ZFAT: variants seen among roughly 807,000 people sequenced by gnomAD.
ZFAT encodes zinc finger protein ZFAT.
In ZFAT, 64 loss-of-function variants were observed where a neutral mutation model predicts 117.7. The ratio of observed to expected loss-of-function variants is 0.54; its 90% CI spans 0.44 to 0.67. The LOEUF (loss-of-function observed/expected upper bound fraction) is 0.67, where lower values mean the gene tolerates loss of function less well. ZFAT is among the 30% of genes least tolerant of loss of function. ZFAT has a pLI of 0.00. For missense variants in ZFAT, 1,433 were observed against 1,584.5 expected (o/e 0.90, Z 1.62); for synonymous variants, 679 against 615.0 (o/e 1.10, Z -1.54).
At chr8:134,818,004 G>A in the ZFAT span, among the ~76,000 whole-genome samples, 1 of 152,030 alleles carries the variant, frequency 6.6e-6, no homozygotes, top group Non-Finnish European at 1.5e-5. Context: ...AACTCAAAAT[G>A]GATCACTATA....
chr8:134,635,449 C>A (rs1393426308), intron 3 of ZFAT, among the ~76,000 whole-genome samples: 2 of 152,172 alleles, frequency 1.3e-5, no homozygotes, highest in African/African-American at 4.8e-5. Context: ...GAGAAGACAG[C>A]AGAAAATGAT....
chr8:134,724,283 C>A, the ZFAT span, among the ~76,000 whole-genome samples: 2 of 152,080 alleles, frequency 1.3e-5, no homozygotes, highest in Admixed American at 6.5e-5. Context: ...AGCTCCAAGC[C>A]CAGTCAAGGC....
At chr8:134,700,008 CTT>C (rs1833968240) in intron 1 of ZFAT, among the ~76,000 whole-genome samples, 1 of 152,230 alleles carries the variant, frequency 6.6e-6, no homozygotes, top group Admixed American at 6.5e-5. Context: ...CCCCGACAGA[CTT>C]TGAAAAGCTG....
the ZFAT span, among the ~76,000 whole-genome samples, chr8:134,722,758 G>C: frequency 6.6e-6 from 1 of 152,178 alleles, no homozygotes. Context: ...ACCTTGAGGG[G>C]CTTACAACGT....
At chr8:134,769,579 T>A in the ZFAT span, among the ~76,000 whole-genome samples, 2 of 152,116 alleles carry the variant, frequency 1.3e-5, no homozygotes, top group East Asian at 3.9e-4. Context: ...AGGTGCATGG[T>A]GCAAGCTGTT....
intron 10 of ZFAT, among the ~76,000 whole-genome samples, chr8:134,581,882 G>C (rs375046174): frequency 2.0e-5 from 3 of 152,126 alleles, no homozygotes; most frequent in Admixed American, 6.6e-5. Context: ...GAGCCACTGT[G>C]CCCGACCTGG....
chr8:134,611,400 C>A (rs1437219606), intron 3 of ZFAT, among the ~76,000 whole-genome samples: 1 of 152,216 alleles, frequency 6.6e-6, no homozygotes, highest in Non-Finnish European at 1.5e-5. Flanking sequence ...TAAACCAGTG[C>A]CCAAGTATCC....
intron 5 of ZFAT, among the ~76,000 whole-genome samples, 188 bp downstream of exon 5, chr8:134,608,541 G>C (rs1222449984): frequency 6.6e-6 from 1 of 152,156 alleles, no homozygotes; most frequent in Non-Finnish European, 1.5e-5. Flanking sequence ...ACACACTGGA[G>C]GCTCAGCGAG....
chr8:134,600,435 C>T lies in ZFAT; in HGVS notation c.2475+1G>A. On this transcript the variant is annotated splice_donor_variant, in intron 7 of 15. Transcript: ENST00000377838. LOFTEE classifies it high-confidence loss of function. The stretch of plus-strand genomic sequence containing the variant: ...GGCTGCCGCTTGGGCTTGCTACTTA[C>T]CAGTGCTGTGTGAACTTTAAGATGT... 6.2e-7 allele frequency: 1 copy of T among 1,613,992 alleles called. No individual in the cohort carries two copies. Among genetic ancestry groups the T allele is most frequent in the Non-Finnish European group, 8.5e-7 (1 of 1,179,834 alleles).
Position 134,647,767 on chromosome 8 carries a change from G to A in ZFAT, c.196+9794C>T, listed in dbSNP as rs147215207. Among the ~76,000 whole-genome samples, 544 of 151,856 alleles carry A rather than the reference G, an allele frequency of 3.6e-3. 3 individuals are homozygous for A. Among genetic ancestry groups the A allele is most frequent in the African/African-American group, 0.011 (447 of 41,418 alleles). On this transcript the variant is annotated intron_variant, in intron 2 of 15. Transcript: ENST00000377838. ...AAACGATCCCATTTATAATAGCGTC[G>A]AAAAAAATACTTAGGCATAAATATA...
intron 1 of ZFAT, among the ~76,000 whole-genome samples, chr8:134,710,530 A>G (rs937406587): frequency 5.3e-5 from 8 of 152,300 alleles, no homozygotes; most frequent in African/African-American, 1.9e-4. Flanking sequence ...CTAAATTGCA[A>G]TCCCCTATTA....
At chr8:134,496,822 C>T (rs1466447942) in intron 15 of ZFAT, among the ~76,000 whole-genome samples, 1 of 152,190 alleles carries the variant, frequency 6.6e-6, no homozygotes, top group African/African-American at 2.4e-5. Context: ...CCCATCTTCA[C>T]CACTGCCTGG....
intron 1 of ZFAT, among the ~76,000 whole-genome samples, chr8:134,708,806 G>T (rs931018014): frequency 6.6e-6 from 1 of 152,074 alleles, no homozygotes; most frequent in South Asian, 2.1e-4. Flanking sequence ...TACAAAATTA[G>T]CGAGGCGTGG....
At chr8:134,654,061 C>G (rs1177371953) in intron 2 of ZFAT, among the ~76,000 whole-genome samples, 1 of 152,140 alleles carries the variant, frequency 6.6e-6, no homozygotes, top group Non-Finnish European at 1.5e-5. Context: ...CTTTGGGAGG[C>G]TGAGGCAAGT....
the ZFAT span, among the ~76,000 whole-genome samples, chr8:134,798,531 C>T: frequency 6.6e-6 from 1 of 151,994 alleles, no homozygotes; most frequent in Non-Finnish European, 1.5e-5. Flanking sequence ...AGACAGCTAA[C>T]TGTAAGTAGA....
At chr8:134,668,686 A>G (rs1811477029) in intron 1 of ZFAT, among the ~76,000 whole-genome samples, 1 of 152,362 alleles carries the variant, frequency 6.6e-6, no homozygotes, top group Non-Finnish European at 1.5e-5. Context: ...AATTCTAAAA[A>G]TCAGAGCACT....
At chr8:134,679,039 A>G (rs1252431542) in intron 1 of ZFAT, among the ~76,000 whole-genome samples, 5 of 152,272 alleles carry the variant, frequency 3.3e-5, no homozygotes, top group African/African-American at 1.2e-4. Flanking sequence ...CAAAGACTTC[A>G]TGACTAAAAC....
chr8:134,688,838 G>A (rs750263319), intron 1 of ZFAT, among the ~76,000 whole-genome samples: 9 of 152,186 alleles, frequency 5.9e-5, no homozygotes, highest in Non-Finnish European at 8.8e-5. Context: ...TCAGGGAACC[G>A]AGAGCTGCAG....
intron 3 of ZFAT, among the ~76,000 whole-genome samples, chr8:134,634,499 T>C (rs1830087946): frequency 1.4e-5 from 1 of 72,020 alleles, no homozygotes; most frequent in African/African-American, 4.7e-5. Flanking sequence ...CTGGGCGCAA[T>C]ATTAACACAC....
Sources: allele counts gnomAD v4.1 joint callset (sites outside exome capture counted in the v4.1 genomes callset), GRCh38; gene constraint gnomAD v4.1.1; transcripts MANE v1.5; gene names NCBI Gene and HGNC (gene_info 2026-07-23, HGNC 2026-07-21).